The following GATM variants were observed in gnomAD, a reference collection of about 807,000 sequenced individuals.
GATM encodes glycine amidinotransferase.
GATM carries 23 observed loss-of-function variants against 54.2 expected under a neutral mutation model. The observed-to-expected ratio is 0.42, with a 90% CI of 0.31 to 0.60. The LOEUF (loss-of-function observed/expected upper bound fraction) is 0.60, where lower values mean the gene tolerates loss of function less well. Among genes scored for constraint, GATM ranks in the 20% least tolerant of loss-of-function variants. GATM has a pLI of 0.14. For missense variants in GATM, 401 were observed against 544.9 expected, an observed-to-expected ratio of 0.74 and a Z score of 2.63; for synonymous variants, 168 against 183.1, an observed-to-expected ratio of 0.92 and a Z score of 0.67.
At chr15:45,383,539 T>C (rs1889769822), upstream of GATM, among the ~76,000 whole-genome samples, 1 of 152,166 alleles carries the variant, frequency 6.6e-6, no homozygotes, top group Non-Finnish European at 1.5e-5. Context: ...ACCATTCTCT[T>C]TCTTAAGGTT....
Position 45,368,810 on chromosome 15 carries a change from T to G in GATM, c.484+516A>C, listed in dbSNP as rs1207135628. On this transcript the variant is annotated intron_variant, in intron 3 of 8. Coordinates refer to ENST00000396659, the MANE Select transcript of GATM (RefSeq NM_001482.3). This position sits in a 1 kb window ranked among gnomAD's most constrained non-coding sequence, Gnocchi z 5.1. Reference sequence around the variant, plus strand: ...AAAAAAAAGTGAAGGAATAAAGTCCTTGTACAAAGAGATCTTGAACCACCA... The same window carrying G: ...AAAAAAAAGTGAAGGAATAAAGTCCGTGTACAAAGAGATCTTGAACCACCA... Among the ~76,000 whole-genome samples the G allele has an allele frequency of 1.3e-5, 2 of 151,752 alleles. No homozygotes were observed. Among genetic ancestry groups the G allele is most frequent in the African/African-American group, 4.8e-5 (2 of 41,272 alleles).
intron 1 of GATM, chr15:45,377,495 TAAG>T (rs1010546387): frequency 5.4e-5 from 18 of 333,066 alleles, no homozygotes; most frequent in South Asian, 2.7e-4. Context: ...TTCAAACAAA[TAAG>T]AAGGAGATCT....
At chr15:45,372,846 TA>T (rs1334533941) in intron 2 of GATM, among the ~76,000 whole-genome samples, 2 of 152,246 alleles carry the variant, frequency 1.3e-5, no homozygotes, top group African/African-American at 4.8e-5. Context: ...TTACAAGAGA[TA>T]GCTAGAAATT....
chr15:45,378,465 G>A lies in GATM; in HGVS notation c.-12C>T. 7.0e-7 allele frequency: 1 copy of A among 1,437,738 alleles called. No individual in the cohort carries two copies. Among genetic ancestry groups the A allele is most frequent in the Non-Finnish European group, 9.1e-7 (1 of 1,101,894 alleles). The allele number at this position is 1,437,738 out of a possible 1,614,324, so 89.1% of individuals were successfully genotyped here. A position where few individuals can be genotyped will look rare whatever the true frequency, so the allele number is the denominator to read the frequency against. ...CGCACCCGCAGCATCGCCCTGGCCCGGCTGGTCCACGCGCGGAATGTTCCT... is the reference window on the plus strand; with the variant it reads ...CGCACCCGCAGCATCGCCCTGGCCCAGCTGGTCCACGCGCGGAATGTTCCT... On this transcript the variant is annotated 5_prime_UTR_variant, in exon 1 of 9. Coordinates refer to ENST00000396659, the MANE Select transcript of GATM (RefSeq NM_001482.3).
intron 2 of GATM, among the ~76,000 whole-genome samples, chr15:45,399,247 A>C (rs992548569): frequency 2.6e-5 from 4 of 152,238 alleles, no homozygotes; most frequent in African/African-American, 9.6e-5. Context: ...CACAAAAATT[A>C]AATTTTAACT....
rs886051203 is a variant in GATM at position 45,378,525 on chromosome 15, G to A, written c.-72C>T. The A allele has an allele frequency of 4.8e-6, 6 of 1,238,764 alleles. No homozygotes were observed. The highest frequency in any genetic ancestry group is 3.2e-5 in the East Asian group (1 of 31,274). 76.7% of individuals were successfully genotyped at this position (1,238,764 alleles called of 1,614,324 possible). On this transcript the variant is annotated 5_prime_UTR_variant, in exon 1 of 9. Transcript: ENST00000396659. The stretch of plus-strand genomic sequence containing the variant: ...GCCGCGTCGGTCCAAGCCTTCCCGA[G>A]AGCGCGCCCGGAGCGGGGTGGGCGG...
At chr15:45,396,279 T>C (rs1889929182) in intron 3 of GATM, 1 of 152,218 alleles carries the variant, frequency 6.6e-6, no homozygotes, top group South Asian at 2.1e-4. Context: ...ACTGGGTCAA[T>C]GCTTAGACAA....
intron 3 of GATM, among the ~76,000 whole-genome samples, chr15:45,391,415 AAAC>A (rs569558315): frequency 2.7e-4 from 41 of 152,352 alleles, no homozygotes; most frequent in Admixed American, 9.8e-4. Flanking sequence ...GTATCTCAAA[AAAC>A]AACAACAACA....
At position 45,376,587 on chromosome 15, in the gene GATM, T is replaced by C; in HGVS notation, c.288+14A>G. On this transcript the variant is annotated intron_variant, in intron 2 of 8. Coordinates refer to ENST00000396659, the MANE Select transcript of GATM (RefSeq NM_001482.3). ...GGGAGCGCACTTTCAGACATGTGAATAGCCTTCCTTTACCTTCACCTCGAT... is the reference window on the plus strand; with the variant it reads ...GGGAGCGCACTTTCAGACATGTGAACAGCCTTCCTTTACCTTCACCTCGAT... 1 of 1,612,642 alleles carries C rather than the reference T, an allele frequency of 6.2e-7. No homozygotes were observed. The highest frequency in any genetic ancestry group is 1.1e-5 in the South Asian group (1 of 91,054).
rs1889370048 is a variant in GATM, at chr15:45,361,838, G to C, written c.*271C>G. ...AATTATTAGTGGCCAAGTTACTCAG[G>C]TGACTAATTTTTTCTTGGTACACAT... On this transcript the variant is annotated 3_prime_UTR_variant, in exon 9 of 9. Coordinates refer to ENST00000396659, the MANE Select transcript of GATM (RefSeq NM_001482.3). 3.8e-6 allele frequency: 2 copies of C among 521,548 alleles called. No individual in the cohort carries two copies. Among genetic ancestry groups the C allele is most frequent in the African/African-American group, 3.8e-5 (2 of 52,294 alleles). 32.3% of individuals were successfully genotyped at this position (521,548 alleles called of 1,614,324 possible).
At chr15:45,382,316 G>A (rs1889751025), upstream of GATM, among the ~76,000 whole-genome samples, 1 of 152,286 alleles carries the variant, frequency 6.6e-6, no homozygotes, top group Admixed American at 6.5e-5. Context: ...CCTGCAGGCT[G>A]AGCACAAGTG....
At chr15:45,385,905 G>T (rs940913765) in intron 3 of GATM, among the ~76,000 whole-genome samples, 4 of 152,186 alleles carry the variant, frequency 2.6e-5, no homozygotes, top group Non-Finnish European at 4.4e-5. Context: ...TCCCTAGCCA[G>T]ATTGTCTTTG....
Position 45,368,472 on chromosome 15 carries a change from G to A in GATM, c.485-212C>T, listed in dbSNP as rs185756951. On this transcript the variant is annotated intron_variant, in intron 3 of 8. Coordinates refer to ENST00000396659, the MANE Select transcript of GATM (RefSeq NM_001482.3). The surrounding 1 kb of genome is among the most constrained non-coding windows in gnomAD (Gnocchi z 5.1). ...AAAGAATACGAAAACAATTAGCCAG[G>A]CATGGTGGCACGTGCCTGTAATCCT... is the stretch of plus-strand genomic sequence containing the variant. Among the ~76,000 whole-genome samples, 12 of 152,156 alleles carry A rather than the reference G, an allele frequency of 7.9e-5. No individual in the cohort carries two copies. The highest frequency in any genetic ancestry group is 2.0e-4 in the Admixed American group (3 of 15,270).
At chr15:45,378,736 G>C (rs1889692049), upstream of GATM, 1 of 352,890 alleles carries the variant, frequency 2.8e-6, no homozygotes, top group Non-Finnish European at 5.1e-6. Flanking sequence ...GGCCACTGAC[G>C]GCTTCTGTTG....
chr15:45,393,899 A>C (rs1207068845), intron 3 of GATM, among the ~76,000 whole-genome samples: 1 of 152,190 alleles, frequency 6.6e-6, no homozygotes, highest in East Asian at 1.9e-4. Flanking sequence ...ATCTCACAAT[A>C]ATCTATTTCA....
intron 3 of GATM, among the ~76,000 whole-genome samples, chr15:45,388,386 C>T (rs994682044): frequency 6.6e-6 from 1 of 152,210 alleles, no homozygotes; most frequent in South Asian, 2.1e-4. Flanking sequence ...GATACATTTG[C>T]TAAAACTAAG....
upstream of GATM, among the ~76,000 whole-genome samples, chr15:45,381,200 TTTGA>T (rs1482064774): frequency 1.3e-5 from 2 of 152,210 alleles, no homozygotes; most frequent in Non-Finnish European, 2.9e-5. Context: ...CATTAAATAC[TTTGA>T]TTGAACCAAT....
At chr15:45,367,268 G>A (rs1330651069) in intron 4 of GATM, among the ~76,000 whole-genome samples, 2 of 151,918 alleles carry the variant, frequency 1.3e-5, no homozygotes, top group Admixed American at 6.6e-5. Context: ...TGGAACCCGG[G>A]AGGCAGAGGC....
chr15:45,365,008 T>C (rs1192138613), intron 6 of GATM, 148 bp from the exon 7 acceptor site: 2 of 692,410 alleles, frequency 2.9e-6, no homozygotes, highest in Admixed American at 5.3e-5. Flanking sequence ...TTCTAAACAT[T>C]TGGGTGATTT....
Sources: allele counts gnomAD v4.1 joint callset (sites outside exome capture counted in the v4.1 genomes callset), GRCh38; gene constraint gnomAD v4.1.1; non-coding constraint Gnocchi (gnomAD v3.1); transcripts MANE v1.5; gene names NCBI Gene and HGNC (gene_info 2026-07-23, HGNC 2026-07-21).